Variants in NWD2 observed in about 807,000 individuals in gnomAD.
NWD2 encodes NACHT and WD repeat domain-containing protein 2.
NWD2 carries 37 observed loss-of-function variants against 132.7 expected under a neutral mutation model. The observed-to-expected ratio is 0.28, with a 90% CI of 0.21 to 0.37. The LOEUF is 0.37. NWD2 is among the 10% of genes least tolerant of loss of function. The pLI is 1.00. For missense variants in NWD2, 1,592 were observed against 2,122.4 expected (o/e 0.75, Z 4.91); for synonymous variants, 705 against 803.0 (o/e 0.88, Z 2.06).
chr4:37,372,156 A>C (rs900084288), intron 3 of NWD2, among the ~76,000 whole-genome samples: 1 of 152,158 alleles, frequency 6.6e-6, no homozygotes, highest in Admixed American at 6.5e-5. Context: ...TCTCTACCTC[A>C]ACACTATATT....
intron 1 of NWD2, among the ~76,000 whole-genome samples, chr4:37,262,034 C>CA (rs1717647692): frequency 6.6e-6 from 1 of 151,996 alleles, no homozygotes; most frequent in Non-Finnish European, 1.5e-5. Flanking sequence ...AGGTGATTTT[C>CA]AAAAAAATGT....
intron 3 of NWD2, among the ~76,000 whole-genome samples, chr4:37,393,376 T>C (rs760599454): frequency 6.6e-5 from 10 of 152,220 alleles, no homozygotes; most frequent in Non-Finnish European, 1.5e-4. Context: ...GAAATTTTAG[T>C]AGTTTTAATT....
intron 3 of NWD2, among the ~76,000 whole-genome samples, chr4:37,358,883 G>C (rs868291): frequency 0.82 from 124,539 of 152,152 alleles, 52,603 homozygotes; most frequent in South Asian, 0.92. Context: ...ACAAACCACT[G>C]TGACAGGGGT....
chr4:37,416,426 T>A (rs1489805007), intron 3 of NWD2, among the ~76,000 whole-genome samples: 1 of 152,156 alleles, frequency 6.6e-6, no homozygotes, highest in Non-Finnish European at 1.5e-5. Flanking sequence ...GCTTTAAGAA[T>A]GGCCATAATC....
intron 3 of NWD2, among the ~76,000 whole-genome samples, chr4:37,419,111 C>T (rs1711726225): frequency 6.6e-6 from 1 of 152,186 alleles, no homozygotes; most frequent in Admixed American, 6.5e-5. Flanking sequence ...CTACAACCAT[C>T]TGATCTGTGA....
At chr4:37,322,561 G>C (rs1024857105) in intron 1 of NWD2, among the ~76,000 whole-genome samples, 12 of 152,146 alleles carry the variant, frequency 7.9e-5, no homozygotes, top group African/African-American at 2.9e-4. Context: ...AACACTCATC[G>C]TAAGGAGTGT....
At chr4:37,273,719 A>C (rs970330766) in intron 1 of NWD2, among the ~76,000 whole-genome samples, 12 of 152,200 alleles carry the variant, frequency 7.9e-5, no homozygotes, top group African/African-American at 2.9e-4. Context: ...GACAGAAATT[A>C]TTACAAACTG....
At chr4:37,305,233 A>T (rs1048390622) in intron 1 of NWD2, among the ~76,000 whole-genome samples, 2 of 152,350 alleles carry the variant, frequency 1.3e-5, no homozygotes, top group Non-Finnish European at 1.5e-5. Context: ...AACCTGTTTC[A>T]GGCCACGAAA....
intron 3 of NWD2, among the ~76,000 whole-genome samples, chr4:37,359,744 G>C (rs1481264094): frequency 6.6e-6 from 1 of 152,186 alleles, no homozygotes; most frequent in Non-Finnish European, 1.5e-5. Context: ...CTTCAGTATA[G>C]TTCGTGCTTG....
intron 1 of NWD2, among the ~76,000 whole-genome samples, chr4:37,285,034 T>C (rs980401316): frequency 6.6e-6 from 1 of 152,024 alleles, no homozygotes; most frequent in African/African-American, 2.4e-5. Flanking sequence ...AGGGATGAGT[T>C]TTTTTTTAAT....
intron 4 of NWD2, 89 bp downstream of exon 4, chr4:37,430,864 G>A (rs1712157123): frequency 1.7e-6 from 2 of 1,185,096 alleles, no homozygotes; most frequent in Non-Finnish European, 1.2e-6. Context: ...GCACAGAAAA[G>A]GCAGAGTAGA....
At position 37,326,039 on chromosome 4, in the gene NWD2, A is replaced by C. The variant is rs1222141627; in HGVS notation, c.240+15A>C. 4.2e-6 allele frequency: 6 copies of C among 1,433,222 alleles called. No individual in the cohort carries two copies. The highest frequency in any genetic ancestry group is 5.8e-6 in the Non-Finnish European group (6 of 1,040,454). 88.8% of individuals were successfully genotyped at this position (1,433,222 alleles called of 1,614,324 possible). A position where few individuals can be genotyped will look rare whatever the true frequency, so the allele number is the denominator to read the frequency against. On this transcript the variant is annotated intron_variant, in intron 2 of 6. Coordinates refer to ENST00000309447, the MANE Select transcript of NWD2 (RefSeq NM_001144990.2). The stretch of plus-strand genomic sequence containing the variant: ...TGGAATTTCAGGTAATTCTAGTGTT[A>C]ATTTCATTCACAGTTATGTCCAGTT...
At chr4:37,304,290 C>T (rs1718665376) in intron 1 of NWD2, among the ~76,000 whole-genome samples, 1 of 152,126 alleles carries the variant, frequency 6.6e-6, no homozygotes, top group African/African-American at 2.4e-5. Flanking sequence ...CCACAAGGCC[C>T]CTCCTCCAAT....
chr4:37,305,934 T>C (rs751372522), intron 1 of NWD2, among the ~76,000 whole-genome samples: 6 of 152,206 alleles, frequency 3.9e-5, no homozygotes, highest in Non-Finnish European at 5.9e-5. Flanking sequence ...GTTAGTCCTT[T>C]AAAGGTTCAG....
chr4:37,310,243 C>G (rs991116219), intron 1 of NWD2, among the ~76,000 whole-genome samples: 10 of 152,152 alleles, frequency 6.6e-5, no homozygotes, highest in Non-Finnish European at 1.5e-4. Context: ...TTTGGCCTGT[C>G]TGTGTGTTAT....
At chr4:37,248,418 T>C (rs1312356564) in intron 1 of NWD2, among the ~76,000 whole-genome samples, 2 of 152,210 alleles carry the variant, frequency 1.3e-5, no homozygotes, top group Non-Finnish European at 2.9e-5. Context: ...TCATGGAAGA[T>C]GCTGGAGAAG....
chr4:37,251,690 C>T (rs1246997673), intron 1 of NWD2, among the ~76,000 whole-genome samples: 4 of 152,208 alleles, frequency 2.6e-5, no homozygotes, highest in African/African-American at 4.8e-5. Context: ...TTTGGTAGAA[C>T]CAGAATTGCA....
intron 3 of NWD2, among the ~76,000 whole-genome samples, chr4:37,369,216 A>G (rs867200015): frequency 1.5e-4 from 23 of 152,222 alleles, no homozygotes; most frequent in African/African-American, 4.1e-4. Flanking sequence ...GTGAAATAAA[A>G]TATGTATTAA....
intron 2 of NWD2, among the ~76,000 whole-genome samples, chr4:37,332,461 A>G (rs1719314423): frequency 6.6e-6 from 1 of 151,812 alleles, no homozygotes; most frequent in African/African-American, 2.4e-5. Flanking sequence ...GCCTTGAAAA[A>G]AAAAAAAAAA....
Sources: gnomAD v4.1 joint callset for allele counts (sites outside exome capture counted in the v4.1 genomes callset) on GRCh38, gnomAD v4.1.1 for gene constraint, MANE v1.5 for transcripts, NCBI Gene and HGNC (gene_info 2026-07-23, HGNC 2026-07-21) for gene names.